The following TBC1D16 variants were observed in gnomAD, a reference collection of about 807,000 sequenced individuals.
TBC1D16 encodes TBC1 domain family member 16.
TBC1D16 carries 58 observed loss-of-function variants against 74.7 expected under a neutral mutation model. The observed-to-expected ratio is 0.78, with a 90% CI of 0.63 to 0.97. The LOEUF is 0.97. TBC1D16 is among the 50% of genes least tolerant of loss of function. The pLI, the probability that TBC1D16 is intolerant of heterozygous loss-of-function variation, is 0.00. For missense variants in TBC1D16, 1,014 were observed against 1,079.5 expected (o/e 0.94, Z 0.85); for synonymous variants, 493 against 474.7 (o/e 1.04, Z -0.50).
rs750747063 is a variant in TBC1D16 at position 80,007,812 on chromosome 17, G to T, written c.779+2348C>A. Among the ~76,000 whole-genome samples, 1 of 152,094 alleles carries T rather than the reference G, an allele frequency of 6.6e-6. No homozygotes were observed. The highest frequency in any genetic ancestry group is 1.5e-5 in the Non-Finnish European group (1 of 68,000). The stretch of plus-strand genomic sequence containing the variant: ...CGACGAACTTGGAGGTGTGCACAGT[G>T]GGGGGTGGGGAGGCAGGCAGCATCG... On this transcript the variant is annotated intron_variant, in intron 3 of 11. Transcript: ENST00000310924. The surrounding 1 kb of genome is among the most constrained non-coding windows in gnomAD (Gnocchi z 4.5).
intron 3 of TBC1D16, among the ~76,000 whole-genome samples, chr17:79,999,023 A>G (rs572301050): frequency 1.3e-5 from 2 of 152,236 alleles, no homozygotes; most frequent in African/African-American, 4.8e-5. Context: ...TGGGAGGCCG[A>G]GGCGGGGGGA....
intron 1 of TBC1D16, among the ~76,000 whole-genome samples, chr17:80,013,812 C>T (rs911862775): frequency 1.3e-5 from 2 of 152,094 alleles, no homozygotes; most frequent in Admixed American, 1.3e-4. Flanking sequence ...CAGCGTCCCT[C>T]GCCTCAACCT....
chr17:79,999,569 G>A (rs2035407294), intron 3 of TBC1D16, among the ~76,000 whole-genome samples: 1 of 111,056 alleles, frequency 9.0e-6, no homozygotes, highest in African/African-American at 3.5e-5. Context: ...TTGAGATGGA[G>A]TCTCACTCTG....
chr17:80,003,491 G>A (rs1182952423), intron 3 of TBC1D16, among the ~76,000 whole-genome samples: 2 of 152,220 alleles, frequency 1.3e-5, no homozygotes, highest in Non-Finnish European at 2.9e-5. Flanking sequence ...AGCTCGCCCT[G>A]GAGGCCTCTT....
chr17:80,024,234 C>T (rs879275362), intron 1 of TBC1D16, among the ~76,000 whole-genome samples: 10 of 111,848 alleles, frequency 8.9e-5, no homozygotes, highest in Admixed American at 4.5e-4. Flanking sequence ...CCTTGGAGAT[C>T]CCAAACCCCA....
chr17:79,992,513 A>G (rs1473228718), intron 3 of TBC1D16, among the ~76,000 whole-genome samples: 1 of 152,190 alleles, frequency 6.6e-6, no homozygotes, highest in Non-Finnish European at 1.5e-5. Context: ...ACCAAAAATA[A>G]TCCTCCCAGT....
At chr17:79,949,040 G>C (rs752789140) in intron 7 of TBC1D16, 34 bp from the exon 8 acceptor site, 1 of 1,612,840 alleles carries the variant, frequency 6.2e-7, no homozygotes. Context: ...CGGGGTCAGC[G>C]GGTGGCACCC....
rs1054398772 is a variant in TBC1D16 at position 79,935,431 on chromosome 17, T to A, written c.*5428A>T. The stretch of plus-strand genomic sequence containing the variant: ...GCCCCTGGCCAGCCTCCCAGGACCC[T>A]CAGTCCCCACAGCCCCCATCCAGCT... On this transcript the variant is annotated 3_prime_UTR_variant, in exon 12 of 12. Coordinates refer to ENST00000310924, the MANE Select transcript of TBC1D16 (RefSeq NM_019020.4). 11 of 152,290 alleles carry A rather than the reference T, an allele frequency of 7.2e-5. No homozygotes were observed. The highest frequency in any genetic ancestry group is 9.6e-5 in the African/African-American group (4 of 41,452). 9.4% of individuals were successfully genotyped at this position (152,290 alleles called of 1,614,324 possible).
intron 3 of TBC1D16, among the ~76,000 whole-genome samples, chr17:79,973,579 G>A (rs1185935374): frequency 2.0e-5 from 3 of 152,106 alleles, no homozygotes; most frequent in Non-Finnish European, 2.9e-5. Flanking sequence ...GTGTGGCGGC[G>A]GGCGCCTGTA....
At chr17:79,969,843 G>A (rs549729820) in intron 3 of TBC1D16, among the ~76,000 whole-genome samples, 31 of 152,254 alleles carry the variant, frequency 2.0e-4, no homozygotes, top group African/African-American at 4.1e-4. Flanking sequence ...TTGGGAGGCC[G>A]AGGCAGGAGA....
rs2033560938 is a variant in TBC1D16, at chr17:79,960,779, C to CAAAAAAAAAAAAAAACA, written c.780-7962_780-7961insTGTTTTTTTTTTTTTTT. The stretch of plus-strand genomic sequence containing the variant: ...CAAAAAAACCCAAAAAACAAAAACC[C>CAAAAAAAAAAAAAAACA]AAAAAAAAAAAAAAAAAAAAAAAAA... On this transcript the variant is annotated intron_variant, in intron 3 of 11. Coordinates refer to ENST00000310924, the MANE Select transcript of TBC1D16 (RefSeq NM_019020.4). 1.6e-3 allele frequency among the ~76,000 whole-genome samples: 55 copies of CAAAAAAAAAAAAAAACA among 33,930 alleles called. 8 individuals are homozygous for CAAAAAAAAAAAAAAACA. Among genetic ancestry groups the CAAAAAAAAAAAAAAACA allele is most frequent in the Non-Finnish European group, 2.5e-3 (46 of 18,134 alleles). 22.3% of individuals were successfully genotyped at this position (33,930 alleles called of 152,430 possible).
chr17:79,998,690 A>G (rs1184299768), intron 3 of TBC1D16, among the ~76,000 whole-genome samples: 1 of 151,698 alleles, frequency 6.6e-6, no homozygotes, highest in Non-Finnish European at 1.5e-5. Context: ...AGCATCCTCC[A>G]CATCTGCTCA....
chr17:80,028,685 G>A (rs1480560907), intron 1 of TBC1D16, among the ~76,000 whole-genome samples: 1 of 149,934 alleles, frequency 6.7e-6, no homozygotes, highest in African/African-American at 2.5e-5. Context: ...GTGCAGTGGC[G>A]CAATCTAAGG....
chr17:79,963,052 A>AG (rs1221239213), intron 3 of TBC1D16, among the ~76,000 whole-genome samples: 1 of 146,418 alleles, frequency 6.8e-6, no homozygotes, highest in Non-Finnish European at 1.5e-5. Context: ...CTCCATCTCA[A>AG]AAAAAAAAAA....
rs1035509489 is a variant in TBC1D16 at position 79,980,248 on chromosome 17, T to G, written c.780-27430A>C. On this transcript the variant is annotated intron_variant, in intron 3 of 11. Transcript: ENST00000310924. This position sits in a 1 kb window ranked among gnomAD's most constrained non-coding sequence, Gnocchi z 7.0. The stretch of plus-strand genomic sequence containing the variant: ...ATTTGACTAAATTTAGGTGTTCCCC[T>G]TAGGCATCTGATTAAATTTCATGAA... 6.6e-6 allele frequency among the ~76,000 whole-genome samples: 1 copy of G among 152,234 alleles called. No individual in the cohort carries two copies. Among genetic ancestry groups the G allele is most frequent in the African/African-American group, 2.4e-5 (1 of 41,464 alleles).
At chr17:79,995,016 T>TTG (rs2035214925) in intron 3 of TBC1D16, among the ~76,000 whole-genome samples, 1 of 152,176 alleles carries the variant, frequency 6.6e-6, no homozygotes, top group African/African-American at 2.4e-5. Flanking sequence ...AATGTAGCTA[T>TTG]GGCCGGGCAC....
intron 1 of TBC1D16, among the ~76,000 whole-genome samples, chr17:80,018,367 C>T (rs919432727): frequency 6.7e-6 from 1 of 149,138 alleles, no homozygotes; most frequent in Non-Finnish European, 1.5e-5. Flanking sequence ...CTGCAAGCTC[C>T]GCCTCCCAGG....
chr17:79,983,077 T>G lies in TBC1D16; in HGVS notation c.779+27083A>C, dbSNP rs2034652640. Among the ~76,000 whole-genome samples the G allele has an allele frequency of 6.6e-6, 1 of 152,012 alleles. No homozygotes were observed. Among genetic ancestry groups the G allele is most frequent in the African/African-American group, 2.4e-5 (1 of 41,380 alleles). ...GTGCAGAGCTCCAAGCACAGACGTG[T>G]TCATCAAGGACAAGCGGGAAGCCGG... On this transcript the variant is annotated intron_variant, in intron 3 of 11. Transcript: ENST00000310924. The surrounding 1 kb of genome is among the most constrained non-coding windows in gnomAD (Gnocchi z 5.6).
At chr17:79,948,292 G>A (rs1334366616) in intron 8 of TBC1D16, among the ~76,000 whole-genome samples, 1 of 140,162 alleles carries the variant, frequency 7.1e-6, no homozygotes, top group East Asian at 2.1e-4. Flanking sequence ...CAGTCTGGAT[G>A]ACAGAGCGAG....
Sources: gnomAD v4.1 joint callset for allele counts (sites outside exome capture counted in the v4.1 genomes callset) on GRCh38, gnomAD v4.1.1 for gene constraint, Gnocchi (gnomAD v3.1) non-coding constraint, MANE v1.5 for transcripts, NCBI Gene and HGNC (gene_info 2026-07-23, HGNC 2026-07-21) for gene names.